TET2: variants seen among roughly 807,000 people sequenced by gnomAD.
TET2 encodes the protein methylcytosine dioxygenase TET2.
In TET2, 299 loss-of-function variants were observed where a neutral mutation model predicts 142.9. The observed-to-expected ratio is 2.09, with a 90% confidence interval of 1.90 to 2.30. The LOEUF (loss-of-function observed/expected upper bound fraction) is 2.30, where lower values mean the gene tolerates loss of function less well. Ranked by LOEUF, TET2 falls within the 30% of genes most tolerant of loss-of-function variation. TET2 has a pLI of 0.00. For synonymous variants in TET2, 819 were observed against 849.0 expected, an observed-to-expected ratio of 0.96 and a Z score of 0.61; for missense variants, 2,418 against 2,378.0, an observed-to-expected ratio of 1.02 and a Z score of -0.35.
intron 1 of TET2, among the ~76,000 whole-genome samples, chr4:105,163,804 TTCGAGAGA>T (rs1461987561): frequency 2.0e-4 from 21 of 103,334 alleles, no homozygotes; most frequent in African/African-American, 4.1e-4. Context: ...GCTCGAAAGT[TTCGAGAGA>T]GAGAGAGAGA....
chr4:105,234,295 CT>C lies in TET2; in HGVS notation c.354del (p.Asn119MetfsTer9). ...AAGAAATTGAAACAAGACCAAAAGG[CT>C]AATGGAGAAAGACGTAACTTCGGGG... ...QIKKLKQDQKANGERRNFGVS... is the reference protein window; with the variant it reads ...QIKKLKQDQKXNGERRNFGVS... On this transcript the variant is annotated frameshift_variant, in exon 3 of 11. Transcript: ENST00000380013. LOFTEE classifies it high-confidence loss of function. 6.2e-7 allele frequency: 1 copy of C among 1,614,032 alleles called. No homozygotes were observed. Among genetic ancestry groups the C allele is most frequent in the Non-Finnish European group, 8.5e-7 (1 of 1,180,006 alleles).
chr4:105,240,442 A>T, intron 3 of TET2: 3 of 1,075,270 alleles, frequency 2.8e-6, no homozygotes, highest in Non-Finnish European at 3.4e-6. Context: ...TCTTAATTAT[A>T]GCTATGCAGC....
intron 2 of TET2, among the ~76,000 whole-genome samples, chr4:105,221,937 T>G (rs1578646632): frequency 6.7e-6 from 1 of 149,288 alleles, no homozygotes; most frequent in East Asian, 1.9e-4. Flanking sequence ...ATTGTTCAAT[T>G]CCCACCTATG....
At chr4:105,202,864 A>G (rs1037120226) in intron 2 of TET2, among the ~76,000 whole-genome samples, 1 of 152,244 alleles carries the variant, frequency 6.6e-6, no homozygotes, top group African/African-American at 2.4e-5. Context: ...TTGTGAAAAC[A>G]TGAAATGGCT....
At chr4:105,187,236 T>A (rs1425570837) in intron 1 of TET2, among the ~76,000 whole-genome samples, 1 of 152,212 alleles carries the variant, frequency 6.6e-6, no homozygotes, top group Non-Finnish European at 1.5e-5. Flanking sequence ...TAAAGTTATA[T>A]TTTTTACTTT....
intron 2 of TET2, among the ~76,000 whole-genome samples, chr4:105,192,770 G>A (rs73836052): frequency 6.6e-6 from 1 of 151,998 alleles, no homozygotes; most frequent in African/African-American, 2.4e-5. Flanking sequence ...GTATAATATA[G>A]TAAATACCAA....
intron 3 of TET2, chr4:105,239,076 T>TTTTTTG (rs1041269173): frequency 4.3e-5 from 10 of 233,006 alleles, no homozygotes; most frequent in East Asian, 6.5e-5. Context: ...TGTTTTTTGT[T>TTTTTTG]TTTTTTTTTT....
At position 105,235,662 on chromosome 4, in the gene TET2, CA is replaced by C; in HGVS notation, c.1722del (p.Ala575ArgfsTer5). ...TGAATTGAAGGCCCCTCGTTTTCAC[CA>C]AGCGGAATCCCATCTAAAACGTAAT... The part of the protein sequence containing the change: ...WIELKAPRFH[Q>X]AESHLKRNEA... On this transcript the variant is annotated frameshift_variant, in exon 3 of 11. Coordinates refer to ENST00000380013, the MANE Select transcript of TET2 (RefSeq NM_001127208.3). LOFTEE classifies it high-confidence loss of function. The C allele has an allele frequency of 6.2e-7, 1 of 1,614,126 alleles. No homozygotes were observed. The highest frequency in any genetic ancestry group is 8.5e-7 in the Non-Finnish European group (1 of 1,180,004).
chr4:105,247,673 A>G (rs944203584), intron 6 of TET2, among the ~76,000 whole-genome samples: 5 of 124,646 alleles, frequency 4.0e-5, no homozygotes, highest in Middle Eastern at 4.7e-3. Context: ...TATCCCCAGT[A>G]TCTTCTGTGG....
chr4:105,235,106 T>G lies in TET2; in HGVS notation c.1164T>G (p.Thr388=). 7 of 1,613,996 alleles carry G rather than the reference T, an allele frequency of 4.3e-6. No homozygotes were observed. The highest frequency in any genetic ancestry group is 5.9e-6 in the Non-Finnish European group (7 of 1,179,956). The change falls in exon 3 of 11, where the codon ACT becomes ACG. Residue 388 remains threonine, a synonymous_variant. Coordinates refer to ENST00000380013, the MANE Select transcript of TET2 (RefSeq NM_001127208.3). ...ACTTCAAGCAAAGCTCAGTGTTCAC[T>G]AAGGATTCCTTTTCTGCCACTACCA... ...GAYFKQSSVF[T]KDSFSATTTP...
intron 1 of TET2, among the ~76,000 whole-genome samples, chr4:105,172,948 G>A (rs566169415): frequency 2.6e-5 from 4 of 152,206 alleles, no homozygotes; most frequent in African/African-American, 9.6e-5. Context: ...TGGCTATGCT[G>A]CTACTCTCTT....
intron 6 of TET2, among the ~76,000 whole-genome samples, chr4:105,245,884 T>A (rs1267690926): frequency 6.6e-6 from 1 of 152,226 alleles, no homozygotes. Flanking sequence ...TAAAATTTCT[T>A]TTCAAAAATA....
chr4:105,229,872 C>T (rs1728406661), intron 2 of TET2, among the ~76,000 whole-genome samples: 1 of 151,826 alleles, frequency 6.6e-6, no homozygotes, highest in East Asian at 1.9e-4. Flanking sequence ...ATACTTCCAT[C>T]TGAAAATATA....
chr4:105,169,469 C>G (rs1724334673), intron 1 of TET2, among the ~76,000 whole-genome samples: 1 of 152,026 alleles, frequency 6.6e-6, no homozygotes, highest in African/African-American at 2.4e-5. Context: ...CTTGTAGATT[C>G]TAGATATTAG....
intron 6 of TET2, among the ~76,000 whole-genome samples, chr4:105,246,563 TTAAA>T (rs1250152287): frequency 2.0e-5 from 3 of 152,256 alleles, no homozygotes; most frequent in Non-Finnish European, 4.4e-5. Flanking sequence ...ATTTTAATAC[TTAAA>T]TACATGATTA....
chr4:105,275,171 CAG>C lies in TET2; in HGVS notation c.4664_4665del (p.Glu1555ValfsTer22), dbSNP rs1439735497. The C allele has an allele frequency of 3.9e-6, 6 of 1,552,236 alleles. No individual in the cohort carries two copies. Among genetic ancestry groups the C allele is most frequent in the South Asian group, 2.4e-5 (2 of 84,058 alleles). On this transcript the variant is annotated frameshift_variant, in exon 11 of 11. Transcript: ENST00000380013. LOFTEE classifies it low-confidence loss of function (END_TRUNC). ...CAGCAGCAGCCACATCACCCTCAGA[CAG>C]AGTCTGTCAACTCTTATTCTGCTTC...
At chr4:105,201,514 A>T (rs894595379) in intron 2 of TET2, among the ~76,000 whole-genome samples, 3 of 152,156 alleles carry the variant, frequency 2.0e-5, no homozygotes, top group African/African-American at 2.4e-5. Flanking sequence ...TCAGTTGCTA[A>T]CATTTAAATC....
At chr4:105,208,050 T>G (rs1357676162) in intron 2 of TET2, among the ~76,000 whole-genome samples, 1 of 152,198 alleles carries the variant, frequency 6.6e-6, no homozygotes, top group Non-Finnish European at 1.5e-5. Flanking sequence ...TTGTGAACTC[T>G]GCTGAAGATT....
At chr4:105,214,236 A>G (rs1427195928) in intron 2 of TET2, among the ~76,000 whole-genome samples, 1 of 148,076 alleles carries the variant, frequency 6.8e-6, no homozygotes. Flanking sequence ...GGTGTGTTGG[A>G]CCTCGGGGCA....
Sources: allele counts gnomAD v4.1 joint callset (sites outside exome capture counted in the v4.1 genomes callset), GRCh38; gene constraint gnomAD v4.1.1; transcripts MANE v1.5; gene names NCBI Gene and HGNC (gene_info 2026-07-23, HGNC 2026-07-21).